The following ASIP variants were observed in gnomAD, a reference collection of about 807,000 sequenced individuals.
ASIP encodes agouti signaling protein, also known as agouti-signaling protein.
Under a neutral mutation model 10.3 loss-of-function variants are expected in ASIP, and 11 were observed. The ratio of observed to expected loss-of-function variants is 1.07; its 90% CI spans 0.68 to 1.78. The LOEUF (loss-of-function observed/expected upper bound fraction) is 1.78. ASIP is among the 40% of genes most tolerant of loss of function. ASIP has a pLI of 0.00. For missense variants in ASIP, 180 were observed against 169.2 expected, an observed-to-expected ratio of 1.06 and a Z score of -0.35; for synonymous variants, 70 against 70.8, an observed-to-expected ratio of 0.99 and a Z score of 0.06.
the ASIP span, among the ~76,000 whole-genome samples, chr20:34,188,058 G>A: frequency 3.3e-5 from 5 of 152,246 alleles, no homozygotes; most frequent in Admixed American, 2.0e-4. Context: ...TCTTCCCCTC[G>A]CACTTCCAGG....
intron 1 of ASIP, among the ~76,000 whole-genome samples, chr20:34,204,632 A>T (rs2034923039): frequency 6.6e-6 from 1 of 152,140 alleles, no homozygotes; most frequent in Admixed American, 6.5e-5. Flanking sequence ...GAAAGAAAGC[A>T]CTCAATAATT....
Position 34,235,845 on chromosome 20 carries a change from GAAGGAAGGAAGGAAGGAAGGA to G in ASIP, c.-10-24497_-10-24477del, listed in dbSNP as rs1234823106. On this transcript the variant is annotated intron_variant, in intron 1 of 3. Transcript: ENST00000568305. ...AGAAAGAAAGAAAGAAAGAAAGAAG[GAAGGAAGGAAGGAAGGAAGGA>G]AAGGAAGGAAGGAAGGAAGGAAGGA... 5.7e-4 allele frequency among the ~76,000 whole-genome samples: 21 copies of G among 36,632 alleles called. No individual in the cohort carries two copies. The African/African-American group carries it at 6.0e-3, about 10-fold the overall frequency. 24.0% of individuals were successfully genotyped at this position (36,632 alleles called of 152,430 possible). A position where few individuals can be genotyped will look rare whatever the true frequency, so the allele number is the denominator to read the frequency against.
intron 1 of ASIP, among the ~76,000 whole-genome samples, chr20:34,249,536 G>A (rs2035439356): frequency 6.6e-6 from 1 of 152,144 alleles, no homozygotes; most frequent in African/African-American, 2.4e-5. Flanking sequence ...GGCTTCATGA[G>A]CATGCAGCTT....
chr20:34,250,712 G>A (rs1255992626), intron 1 of ASIP, among the ~76,000 whole-genome samples: 2 of 152,236 alleles, frequency 1.3e-5, no homozygotes, highest in African/African-American at 2.4e-5. Context: ...TGGGAGAATC[G>A]CTTGAACCCG....
chr20:34,245,159 C>A (rs1456646383), intron 1 of ASIP, among the ~76,000 whole-genome samples: 6 of 151,560 alleles, frequency 4.0e-5, no homozygotes, highest in African/African-American at 1.2e-4. Flanking sequence ...CATGATGAAA[C>A]CCCGTCGCTA....
At position 34,235,737 on chromosome 20, in the gene ASIP, A is replaced by G. The variant is rs578039841; in HGVS notation, c.-10-24628A>G. 2.3e-4 allele frequency among the ~76,000 whole-genome samples: 34 copies of G among 150,176 alleles called. No homozygotes were observed. The South Asian group carries it at 4.9e-3, about 21-fold the overall frequency. On this transcript the variant is annotated intron_variant, in intron 1 of 3. Coordinates refer to the ASIP transcript ENST00000568305. Reference sequence around the variant, plus strand: ...AAGTCGTGGCTGAAGTGGGCTCATGATAATGCCACTGCACTCCAGCCTGTG... The same window carrying G: ...AAGTCGTGGCTGAAGTGGGCTCATGGTAATGCCACTGCACTCCAGCCTGTG...
intron 1 of ASIP, among the ~76,000 whole-genome samples, chr20:34,247,436 GA>G (rs1216207850): frequency 6.7e-6 from 1 of 150,280 alleles, no homozygotes; most frequent in Non-Finnish European, 1.5e-5. Context: ...GAGTAGCTGG[GA>G]TTACAGGCAC....
At chr20:34,212,713 T>G (rs762802685) in intron 1 of ASIP, among the ~76,000 whole-genome samples, 14 of 152,198 alleles carry the variant, frequency 9.2e-5, no homozygotes, top group Non-Finnish European at 2.1e-4. Flanking sequence ...TTCTTTTGTG[T>G]GATAGAATTA....
At chr20:34,219,084 C>T (rs1012553470) in intron 1 of ASIP, among the ~76,000 whole-genome samples, 1 of 152,204 alleles carries the variant, frequency 6.6e-6, no homozygotes, top group African/African-American at 2.4e-5. Context: ...CTTCCAAACA[C>T]ATACACATTA....
Position 34,223,894 on chromosome 20 carries a change from G to T in ASIP, c.-11+29134G>T, listed in dbSNP as rs2035074260. Among the ~76,000 whole-genome samples the T allele has an allele frequency of 2.9e-5, 3 of 103,004 alleles. No homozygotes were observed. In the Admixed American group the frequency reaches 3.3e-4, roughly 11 times the overall value. 67.6% of individuals were successfully genotyped at this position (103,004 alleles called of 152,430 possible). On this transcript the variant is annotated intron_variant, in intron 1 of 3. Coordinates refer to the ASIP transcript ENST00000568305. ...CACTAAGAAAAATTCTTCTGCCTTG[G>T]GATCCTGTTGATCTGTGACCTTACC...
intron 1 of ASIP, among the ~76,000 whole-genome samples, chr20:34,231,729 C>G (rs2035123244): frequency 6.6e-6 from 1 of 152,060 alleles, no homozygotes; most frequent in Non-Finnish European, 1.5e-5. Flanking sequence ...AAAAAATATG[C>G]AAATTGAAAT....
chr20:34,218,800 C>T (rs977570158), intron 1 of ASIP, among the ~76,000 whole-genome samples: 1 of 152,044 alleles, frequency 6.6e-6, no homozygotes, highest in African/African-American at 2.4e-5. Context: ...GTAGCTGGGA[C>T]TGCAGGCGCC....
intron 1 of ASIP, among the ~76,000 whole-genome samples, chr20:34,250,804 A>G (rs904911935): frequency 2.6e-5 from 4 of 152,072 alleles, no homozygotes; most frequent in Non-Finnish European, 5.9e-5. Context: ...GCCATGCCAC[A>G]TGACTGGGAG....
intron 1 of ASIP, among the ~76,000 whole-genome samples, chr20:34,254,866 C>T (rs1385690245): frequency 6.6e-6 from 1 of 152,108 alleles, no homozygotes; most frequent in East Asian, 1.9e-4. Flanking sequence ...TAACTTTCTC[C>T]CTATTATACC....
chr20:34,227,541 G>C (rs904781442), intron 1 of ASIP, among the ~76,000 whole-genome samples: 1 of 150,040 alleles, frequency 6.7e-6, no homozygotes, highest in African/African-American at 2.5e-5. Context: ...TAAGGCAGGA[G>C]AATCACTTGA....
intron 1 of ASIP, among the ~76,000 whole-genome samples, chr20:34,220,046 T>C (rs2035035559): frequency 6.6e-6 from 1 of 151,908 alleles, no homozygotes; most frequent in African/African-American, 2.4e-5. Context: ...GCCGAGATCG[T>C]GCCACTGCAC....
intron 1 of ASIP, among the ~76,000 whole-genome samples, chr20:34,216,174 C>G (rs1020581121): frequency 6.6e-6 from 1 of 152,256 alleles, no homozygotes; most frequent in Non-Finnish European, 1.5e-5. Flanking sequence ...GGCACCTTCT[C>G]TTGAGTGGCA....
chr20:34,252,706 G>A (rs1289747132), intron 1 of ASIP, among the ~76,000 whole-genome samples: 1 of 152,136 alleles, frequency 6.6e-6, no homozygotes, highest in Non-Finnish European at 1.5e-5. Context: ...TGGGTGTCGG[G>A]TTGGGGGATG....
rs2034986794 is a variant in ASIP at position 34,213,386 on chromosome 20, A to C, written c.-11+18626A>C. ...GTCTAAGACAGAAAGTTAATGCCAG[A>C]GAGTGGAGTGTTGCTATAACCAACA... is the stretch of plus-strand genomic sequence containing the variant. On this transcript the variant is annotated intron_variant, in intron 1 of 3. Coordinates refer to the ASIP transcript ENST00000568305. The C allele has an allele frequency of 1.8e-5, 11 of 618,136 alleles. No individual in the cohort carries two copies. In the South Asian group the frequency reaches 2.3e-4, roughly 13 times the overall value. The allele number at this position is 618,136 out of a possible 1,614,324, so 38.3% of individuals were successfully genotyped here.
Sources: gnomAD v4.1 joint callset for allele counts (sites outside exome capture counted in the v4.1 genomes callset) on GRCh38, gnomAD v4.1.1 for gene constraint, MANE v1.5 for transcripts, NCBI Gene and HGNC (gene_info 2026-07-23, HGNC 2026-07-21) for gene names.